THSD4: variants seen among roughly 807,000 people sequenced by gnomAD.
The protein encoded by THSD4 is thrombospondin type 1 domain containing 4.
Under a neutral mutation model 119.0 loss-of-function variants are expected in THSD4, and 69 were observed. The observed-to-expected ratio is 0.58, with a 90% CI of 0.48 to 0.71. THSD4 has a LOEUF of 0.71. Among genes scored for constraint, THSD4 ranks in the 30% least tolerant of loss-of-function variants. THSD4 has a pLI of 0.00. For missense variants in THSD4, 1,393 were observed against 1,391.1 expected (o/e 1.00, Z -0.02); for synonymous variants, 524 against 540.4 (o/e 0.97, Z 0.42).
At chr15:71,620,249 C>G (rs1417867975) in intron 7 of THSD4, among the ~76,000 whole-genome samples, 1 of 152,068 alleles carries the variant, frequency 6.6e-6, no homozygotes, top group Non-Finnish European at 1.5e-5. Flanking sequence ...AGTGAGCTAA[C>G]TAATGAAAAA....
chr15:71,474,086 C>G (rs1426836455), intron 7 of THSD4, among the ~76,000 whole-genome samples: 1 of 152,178 alleles, frequency 6.6e-6, no homozygotes, highest in African/African-American at 2.4e-5. Context: ...CAGGGAATCC[C>G]AGTGTCCTAG....
intron 7 of THSD4, among the ~76,000 whole-genome samples, chr15:71,435,265 C>G (rs1193824954): frequency 6.6e-6 from 1 of 152,146 alleles, no homozygotes; most frequent in Non-Finnish European, 1.5e-5. Flanking sequence ...GAATCCTAGT[C>G]ACTAAACTAC....
chr15:71,731,143 C>T lies in THSD4; in HGVS notation c.1556C>T (p.Pro519Leu). ...CAGATGATACACCAGCAGCCAAACC[C>T]AGGCGTGCACTACGAGTACGTGATC... ...DVYMIHQQPN[P>L]GVHYEYVIMG... Residue 519 changes from proline (P) to leucine (L), a missense_variant, in exon 10 of 18, where the codon CCA becomes CTA. Physicochemically the swap from Pro to Leu is moderately conservative, Grantham distance 98 (BLOSUM62 -3). Transcript: ENST00000261862. The T allele has an allele frequency of 6.2e-7, 1 of 1,614,174 alleles. No individual in the cohort carries two copies. The highest frequency in any genetic ancestry group is 2.2e-5 in the East Asian group (1 of 44,872).
chr15:71,314,450 G>A (rs958142417), intron 6 of THSD4, among the ~76,000 whole-genome samples: 1 of 152,064 alleles, frequency 6.6e-6, no homozygotes, highest in African/African-American at 2.4e-5. Flanking sequence ...GGGATTACAG[G>A]TGCACACTAC....
At chr15:71,431,464 C>T (rs1318269619) in intron 7 of THSD4, among the ~76,000 whole-genome samples, 5 of 152,022 alleles carry the variant, frequency 3.3e-5, no homozygotes, top group Non-Finnish European at 7.4e-5. Context: ...CAGAGTAAAA[C>T]AATTTACTGT....
intron 1 of THSD4, 113 bp from the exon 2 acceptor site, chr15:71,141,336 C>T: frequency 1.7e-6 from 1 of 572,538 alleles, no homozygotes; most frequent in Non-Finnish European, 3.0e-6. Flanking sequence ...CATAACTGGG[C>T]ACTTTTGTTT....
At chr15:71,111,283 C>T, upstream of THSD4, 2 of 1,613,986 alleles carry the variant, frequency 1.2e-6, no homozygotes, top group Non-Finnish European at 1.7e-6. Context: ...CCTTGACATT[C>T]CGTCTGGAAA....
At chr15:71,441,607 C>G (rs935066943) in intron 7 of THSD4, among the ~76,000 whole-genome samples, 1 of 151,620 alleles carries the variant, frequency 6.6e-6, no homozygotes, top group Non-Finnish European at 1.5e-5. Flanking sequence ...GTTGGCCAGG[C>G]TGGTCTCGAA....
chr15:71,242,794 G>A lies in THSD4; in HGVS notation c.610G>A (p.Ala204Thr), dbSNP rs778584423. The A allele has an allele frequency of 4.3e-6, 7 of 1,614,088 alleles. No individual in the cohort carries two copies. The South Asian group carries it at 4.4e-5, about 10-fold the overall frequency. The change falls in exon 5 of 18, where the codon GCA becomes ACA. Residue 204 changes from alanine to threonine, a missense_variant. Coordinates refer to ENST00000261862, the MANE Select transcript of THSD4 (RefSeq NM_024817.3). ...ATCCCGCCATTCCAGGTCCCAGGGAGCATCTTCTGCTAGGCATGGCTACAG... is the reference window on the plus strand; with the variant it reads ...ATCCCGCCATTCCAGGTCCCAGGGAACATCTTCTGCTAGGCATGGCTACAG... ...LSSRHSRSQGASSARHGYSSP... is the reference protein window; with the variant it reads ...LSSRHSRSQGTSSARHGYSSP...
intron 16 of THSD4, among the ~76,000 whole-genome samples, chr15:71,767,978 T>G: frequency 6.6e-6 from 1 of 152,158 alleles, no homozygotes; most frequent in Non-Finnish European, 1.5e-5. Context: ...ATCCATCCAT[T>G]TACAATGAAG....
At chr15:71,598,225 C>T (rs933820833) in intron 7 of THSD4, among the ~76,000 whole-genome samples, 4 of 152,068 alleles carry the variant, frequency 2.6e-5, no homozygotes, top group Admixed American at 6.6e-5. Flanking sequence ...GCAAGAAGAC[C>T]CTTCCAGGCC....
At chr15:71,768,479 G>A (rs147035070) in intron 16 of THSD4, among the ~76,000 whole-genome samples, 2 of 151,840 alleles carry the variant, frequency 1.3e-5, no homozygotes, top group African/African-American at 4.8e-5. Flanking sequence ...GAAAAAGACA[G>A]TGGAAGGGAA....
At chr15:71,768,079 A>G (rs1027167988) in intron 16 of THSD4, among the ~76,000 whole-genome samples, 3 of 152,208 alleles carry the variant, frequency 2.0e-5, no homozygotes, top group Non-Finnish European at 2.9e-5. Context: ...GAAGGGAAAG[A>G]TTCAAGTGTT....
At chr15:71,378,174 A>G (rs931038149) in intron 6 of THSD4, among the ~76,000 whole-genome samples, 1 of 152,144 alleles carries the variant, frequency 6.6e-6, no homozygotes, top group Non-Finnish European at 1.5e-5. Flanking sequence ...AAGATTAGTG[A>G]TGTGTATATT....
rs143278818 is a variant in THSD4 at position 71,170,506 on chromosome 15, G to A, written c.99+15574G>A. Among the ~76,000 whole-genome samples the A allele has an allele frequency of 4.1e-4, 62 of 152,328 alleles. No individual in the cohort carries two copies. The East Asian group carries it at 9.3e-3, about 23-fold the overall frequency. On this transcript the variant is annotated intron_variant, in intron 3 of 17. Transcript: ENST00000261862. ...GGGGGAATAGTTAACCCTAGACTGT[G>A]TCCTGCTCTGGATCTAACAAATTAA...
At chr15:71,633,516 C>A (rs557444706) in intron 7 of THSD4, among the ~76,000 whole-genome samples, 1 of 152,270 alleles carries the variant, frequency 6.6e-6, no homozygotes, top group East Asian at 1.9e-4. Context: ...CTCAAACGAT[C>A]CACCTGCCTT....
At chr15:71,293,082 C>T (rs2044814655) in intron 6 of THSD4, among the ~76,000 whole-genome samples, 1 of 152,164 alleles carries the variant, frequency 6.6e-6, no homozygotes, top group African/African-American at 2.4e-5. Flanking sequence ...CAGGGGCTTT[C>T]CCCAGATGGC....
intron 7 of THSD4, among the ~76,000 whole-genome samples, chr15:71,619,600 T>G (rs527292238): frequency 2.6e-5 from 4 of 152,326 alleles, no homozygotes; most frequent in Non-Finnish European, 5.9e-5. Context: ...TTACCCCCAG[T>G]TGGTGATAAT....
At chr15:71,121,157 C>A (rs1394631483) in intron 1 of THSD4, among the ~76,000 whole-genome samples, 2 of 151,870 alleles carry the variant, frequency 1.3e-5, no homozygotes, top group Non-Finnish European at 2.9e-5. Context: ...AGAGGGAGCC[C>A]ACCTCCTTTC....
Sources: allele counts gnomAD v4.1 joint callset (sites outside exome capture counted in the v4.1 genomes callset), GRCh38; gene constraint gnomAD v4.1.1; transcripts MANE v1.5; gene names NCBI Gene and HGNC (gene_info 2026-07-23, HGNC 2026-07-21).